The following GLS2 variants were observed in gnomAD, a reference collection of about 807,000 sequenced individuals.
GLS2 encodes glutaminase 2.
GLS2 carries 52 observed loss-of-function variants against 79.0 expected under a neutral mutation model. The ratio of observed to expected loss-of-function variants is 0.66; its 90% confidence interval spans 0.53 to 0.83. GLS2 has a LOEUF of 0.83. Among genes scored for constraint, GLS2 ranks in the 40% least tolerant of loss-of-function variants. The pLI, the probability that GLS2 is intolerant of heterozygous loss-of-function variation, is 0.00. For missense variants in GLS2, 561 were observed against 764.8 expected, an observed-to-expected ratio of 0.73 and a Z score of 3.14; for synonymous variants, 238 against 280.8, an observed-to-expected ratio of 0.85 and a Z score of 1.52.
At position 56,475,703 on chromosome 12, in the gene GLS2, T is replaced by C. The variant is rs779144172; in HGVS notation, c.871-21A>G. 40 of 1,613,906 alleles carry C rather than the reference T, an allele frequency of 2.5e-5. No individual in the cohort carries two copies. The African/African-American group carries it at 2.9e-4, about 12-fold the overall frequency. ...AACACCTGGAAGAGAAAAAGGGACATTGAGGCTCCACTTGGTTAAGAAGCT... is the reference window on the plus strand; with the variant it reads ...AACACCTGGAAGAGAAAAAGGGACACTGAGGCTCCACTTGGTTAAGAAGCT... On this transcript the variant is annotated intron_variant, in intron 8 of 17. Transcript: ENST00000311966.
rs777009269 is a variant in GLS2 at position 56,471,793 on chromosome 12, C to G, written c.1632G>C (p.Val544=). 1.2e-6 allele frequency: 2 copies of G among 1,613,998 alleles called. No individual in the cohort carries two copies. Among genetic ancestry groups the G allele is most frequent in the South Asian group, 2.2e-5 (2 of 91,060 alleles). The part of the protein sequence containing the change: ...VVKFLIEACK[V]NPFAKDRWGN... ...CTCACCTGTCCTTGGCAAAAGGATT[C>G]ACTTTGCAAGCCTCGATCAGGAATT... The change falls in exon 17 of 18, where the codon GTG becomes GTC. Residue 544 remains valine (V), a synonymous_variant. Coordinates refer to ENST00000311966, the MANE Select transcript of GLS2 (RefSeq NM_013267.4).
At chr12:56,474,804 C>G in intron 11 of GLS2, 42 bp downstream of exon 11, 3 of 1,613,318 alleles carry the variant, frequency 1.9e-6, no homozygotes, top group Non-Finnish European at 2.5e-6. Context: ...AGGGCAAGGA[C>G]AGTCTGTCCT....
At position 56,479,854 on chromosome 12, in the gene GLS2, G is replaced by A; in HGVS notation, c.330C>T (p.Asp110=). 6.2e-7 allele frequency: 1 copy of A among 1,612,778 alleles called. No individual in the cohort carries two copies. The highest frequency in any genetic ancestry group is 1.1e-5 in the South Asian group (1 of 91,012). The change falls in exon 3 of 18, where the codon GAC becomes GAT. Residue 110 remains aspartate (D), a synonymous_variant. Transcript: ENST00000311966. ...CCACGCGGTGCATCTCGCTCATGCA[G>A]TCTCGGAGCCGAGGATCTGATGTCT... ...GLQTSDPRLR[D]CMSEMHRVVQ...
chr12:56,474,380 G>A, intron 12 of GLS2, 164 bp downstream of exon 12: 2 of 777,894 alleles, frequency 2.6e-6, no homozygotes, highest in Admixed American at 2.7e-5. Flanking sequence ...CGAGGAACTT[G>A]GTGTTTTTGA....
chr12:56,480,596 C>G (rs951092550), intron 1 of GLS2: 11 of 543,806 alleles, frequency 2.0e-5, no homozygotes, highest in Admixed American at 1.3e-4. Context: ...ACCTTCAGAT[C>G]TTTATTTTTA....
At chr12:56,480,190 G>T in intron 2 of GLS2, 98 bp downstream of exon 2, 1 of 1,038,326 alleles carries the variant, frequency 9.6e-7, no homozygotes, top group Non-Finnish European at 1.5e-6. Context: ...CCCTCATGTA[G>T]CAACCCATTA....
intron 10 of GLS2, 24 bp from the exon 11 acceptor site, chr12:56,474,920 A>G: frequency 6.2e-7 from 1 of 1,614,046 alleles, no homozygotes; most frequent in Non-Finnish European, 8.5e-7. Flanking sequence ...AGGGGAGAGC[A>G]TTTCTCTTCA....
intron 4 of GLS2, 86 bp downstream of exon 4, chr12:56,478,966 A>G: frequency 6.6e-7 from 1 of 1,509,702 alleles, no homozygotes; most frequent in African/African-American, 1.4e-5. Flanking sequence ...CCCGGGTGAC[A>G]GAGCAAAACT....
rs781297335 is a variant in GLS2, at chr12:56,488,051, C to T, written c.68G>A (p.Trp23Ter). The T allele has an allele frequency of 2.5e-6, 4 of 1,587,152 alleles. No individual in the cohort carries two copies. The highest frequency in any genetic ancestry group is 3.4e-6 in the Non-Finnish European group (4 of 1,173,808). ...GAGGGGGCTCCGGCTCGGGTGACCC[C>T]AGCCTCCTCGCCCGCAGTGACTGCC... ...RAGSHCGRGGWGHPSRSPLLG... is the reference protein window; with the variant it reads ...RAGSHCGRGG The change falls in exon 1 of 18, where the codon TGG becomes TAG. Residue 23 changes from tryptophan to a stop codon, truncating the protein, a stop_gained. Coordinates refer to ENST00000311966, the MANE Select transcript of GLS2 (RefSeq NM_013267.4). LOFTEE classifies it high-confidence loss of function.
At chr12:56,487,810 A>C (rs1206074099) in intron 1 of GLS2, 127 bp downstream of exon 1, 2 of 1,140,666 alleles carry the variant, frequency 1.8e-6, no homozygotes, top group Non-Finnish European at 2.4e-6. Flanking sequence ...AGGAAAAGGC[A>C]CCGAGGGCTA....
chr12:56,484,747 T>C (rs559660979), intron 1 of GLS2, among the ~76,000 whole-genome samples: 1 of 152,240 alleles, frequency 6.6e-6, no homozygotes, highest in Non-Finnish European at 1.5e-5. Context: ...GGATCACCAA[T>C]GTAATGTTGA....
At chr12:56,486,167 C>T (rs1323871223) in intron 1 of GLS2, among the ~76,000 whole-genome samples, 1 of 152,176 alleles carries the variant, frequency 6.6e-6, no homozygotes, top group African/African-American at 2.4e-5. Flanking sequence ...ACTGCCAGAG[C>T]ACATCACTCT....
At chr12:56,480,880 G>A (rs1204477642) in intron 1 of GLS2, among the ~76,000 whole-genome samples, 1 of 152,186 alleles carries the variant, frequency 6.6e-6, no homozygotes, top group East Asian at 1.9e-4. Flanking sequence ...TGCCAGCATG[G>A]TGTAGTAGAC....
In GLS2 at chr12:56,479,170, C is replaced by T. The variant is rs1465207802; in HGVS notation, c.416G>A (p.Ser139Asn). 1.9e-6 allele frequency: 3 copies of T among 1,613,680 alleles called. No homozygotes were observed. ...TGCCTGGGTCAGGAGCACAATGTTG[C>T]TGCTCACACACCTGGATCCCAGACA... is the stretch of plus-strand genomic sequence containing the variant. The part of the protein sequence containing the change: ...DRDLFRKCVS[S>N]NIVLLTQAFR... The change falls in exon 4 of 18, where the codon AGC becomes AAC. Residue 139 changes from serine (S) to asparagine (N), a missense_variant. Ser to Asn is a conservative substitution (Grantham distance 46). Coordinates refer to ENST00000311966, the MANE Select transcript of GLS2 (RefSeq NM_013267.4).
chr12:56,475,481 G>T, intron 9 of GLS2, 143 bp downstream of exon 9: 2 of 792,378 alleles, frequency 2.5e-6, no homozygotes, highest in Non-Finnish European at 4.1e-6. Flanking sequence ...TTTATGAAGG[G>T]ACTCAGAGGA....
In GLS2 at chr12:56,488,144, G is replaced by T. The variant is rs543988522; in HGVS notation, c.-26C>A. The T allele has an allele frequency of 2.9e-5, 44 of 1,515,442 alleles. No individual in the cohort carries two copies. In the African/African-American group the frequency reaches 4.2e-4, roughly 14 times the overall value. The allele number at this position is 1,515,442 out of a possible 1,614,324, so 93.9% of individuals were successfully genotyped here. A position where few individuals can be genotyped will look rare whatever the true frequency, so the allele number is the denominator to read the frequency against. On this transcript the variant is annotated 5_prime_UTR_variant, in exon 1 of 18. In the 5' UTR this introduces an upstream ATG that the reference lacks. Transcript: ENST00000311966. ...GCCCCAGCAAGCCTCCGGCTCTGCA[G>T]GTGCGCCCGGGACCTCTAGCTGTGG...
rs1304136651 is a variant in GLS2 at position 56,478,054 on chromosome 12, G to T, written c.657C>A (p.Ser219=). 2 of 1,614,222 alleles carry T rather than the reference G, an allele frequency of 1.2e-6. No homozygotes were observed. The highest frequency in any genetic ancestry group is 4.5e-5 in the East Asian group (2 of 44,878). ...TGGCATAGGTGAGGGGCTTCACACAGGACTGCAGGCAGAAGGGGATCTTTG... is the reference window on the plus strand; with the variant it reads ...TGGCATAGGTGAGGGGCTTCACACATGACTGCAGGCAGAAGGGGATCTTTG... ...GHTKIPFCLQ[S]CVKPLTYAIS... is the part of the protein sequence containing the mutation. The change falls in exon 6 of 18, where the codon TCC becomes TCA. Residue 219 remains serine, a synonymous_variant. Coordinates refer to ENST00000311966, the MANE Select transcript of GLS2 (RefSeq NM_013267.4).
At chr12:56,475,709 C>T in intron 8 of GLS2, 27 bp from the exon 9 acceptor site, 1 of 1,613,322 alleles carries the variant, frequency 6.2e-7, no homozygotes, top group Non-Finnish European at 8.5e-7. Context: ...GACATTGAGG[C>T]TCCACTTGGT....
intron 7 of GLS2, chr12:56,476,936 T>C (rs1488959877): frequency 6.6e-6 from 1 of 152,212 alleles, no homozygotes; most frequent in Non-Finnish European, 1.5e-5. Flanking sequence ...GGGAATGGGA[T>C]GAGGCAGGTC....
Sources: gnomAD v4.1 joint callset for allele counts (sites outside exome capture counted in the v4.1 genomes callset) on GRCh38, gnomAD v4.1.1 for gene constraint, MANE v1.5 for transcripts, NCBI Gene and HGNC (gene_info 2026-07-23, HGNC 2026-07-21) for gene names.